UBE2D2: variants seen among roughly 807,000 people sequenced by gnomAD.
UBE2D2 encodes ubiquitin-conjugating enzyme E2 D2.
Under a neutral mutation model 24.2 loss-of-function variants are expected in UBE2D2, and 2 were observed. The observed-to-expected ratio is 0.08, with a 90% CI of 0.03 to 0.26. The LOEUF is 0.26. Ranked by LOEUF, UBE2D2 falls within the 10% of genes least tolerant of loss-of-function variation. UBE2D2 has a pLI of 1.00. For synonymous variants in UBE2D2, 58 were observed against 56.5 expected, an observed-to-expected ratio of 1.03 and a Z score of -0.12; for missense variants, 44 against 177.6, an observed-to-expected ratio of 0.25 and a Z score of 4.28.
chr5:139,580,283 TCGAACTCC>T (rs1015078264), intron 1 of UBE2D2, among the ~76,000 whole-genome samples: 6 of 151,848 alleles, frequency 4.0e-5, no homozygotes, highest in Non-Finnish European at 7.4e-5. Flanking sequence ...CAGGCTGGTC[TCGAACTCC>T]CGGGCTCAAG....
At chr5:139,537,918 C>T (rs552871320) in intron 1 of UBE2D2, among the ~76,000 whole-genome samples, 50 of 150,580 alleles carry the variant, frequency 3.3e-4, no homozygotes, top group Admixed American at 2.0e-3. Flanking sequence ...GAGCTGAGAT[C>T]GTGCCACTGC....
At chr5:139,577,866 A>G (rs986522781) in intron 1 of UBE2D2, among the ~76,000 whole-genome samples, 20 of 152,214 alleles carry the variant, frequency 1.3e-4, no homozygotes, top group African/African-American at 4.6e-4. Flanking sequence ...GATTAGTGTT[A>G]CAGAAGAGGG....
Position 139,556,066 on chromosome 5 carries a change from G to A in UBE2D2, c.-64+29454G>A, listed in dbSNP as rs181863011. Among the ~76,000 whole-genome samples, 27 of 149,378 alleles carry A rather than the reference G, an allele frequency of 1.8e-4. No homozygotes were observed. The East Asian group carries it at 4.3e-3, about 24-fold the overall frequency. On this transcript the variant is annotated intron_variant, in intron 1 of 6. Transcript: ENST00000511725. ...AGCCTGACCAACATGGAGAAACCCC[G>A]TCTCTACTAAAAATACAAAATCATC... is the stretch of plus-strand genomic sequence containing the variant.
rs112323447 is a variant in UBE2D2, at chr5:139,531,625, CA to C, written c.-64+5026del. 5.1e-3 allele frequency among the ~76,000 whole-genome samples: 497 copies of C among 97,184 alleles called. 2 individuals are homozygous for C. Among genetic ancestry groups the C allele is most frequent in the African/African-American group, 0.013 (324 of 25,712 alleles). The allele number at this position is 97,184 out of a possible 152,430, so 63.8% of individuals were successfully genotyped here. On this transcript the variant is annotated intron_variant, in intron 1 of 6. Coordinates refer to the UBE2D2 transcript ENST00000511725. ...TTGGGTGACAGAGTGAGACCCTATC[CA>C]AAAAAAAAAAAAGAAAGAAAAAGAA...
chr5:139,551,989 ATTACT>A (rs1172579668), intron 1 of UBE2D2, among the ~76,000 whole-genome samples: 2 of 152,190 alleles, frequency 1.3e-5, no homozygotes, highest in African/African-American at 2.4e-5. Context: ...CCCAAATCTA[ATTACT>A]TTAATGAGAG....
intron 1 of UBE2D2, among the ~76,000 whole-genome samples, chr5:139,546,371 G>A (rs767520282): frequency 5.3e-5 from 8 of 151,928 alleles, no homozygotes; most frequent in Non-Finnish European, 1.0e-4. Flanking sequence ...TTTCAGTAGA[G>A]ACAGAGTTTC....
intron 1 of UBE2D2, among the ~76,000 whole-genome samples, chr5:139,534,999 T>G (rs1011111436): frequency 6.7e-5 from 10 of 148,400 alleles, no homozygotes; most frequent in Admixed American, 2.0e-4. Context: ...ATTAGCCAGG[T>G]TTGGTGGTAC....
intron 1 of UBE2D2, among the ~76,000 whole-genome samples, chr5:139,543,426 C>T (rs1752783299): frequency 6.6e-6 from 1 of 152,214 alleles, no homozygotes; most frequent in African/African-American, 2.4e-5. Context: ...TTCTGCCTTC[C>T]GTGGGCCCAG....
intron 1 of UBE2D2, chr5:139,562,377 A>G: frequency 2.3e-6 from 3 of 1,330,420 alleles, no homozygotes; most frequent in Non-Finnish European, 3.0e-6. Context: ...AGAAACTGTT[A>G]AGAGTTGGAA....
chr5:139,533,657 A>AAAAAGAAAAG (rs370279515), intron 1 of UBE2D2, among the ~76,000 whole-genome samples: 1 of 148,634 alleles, frequency 6.7e-6, no homozygotes, highest in African/African-American at 2.4e-5. Flanking sequence ...GTCTCAAAAA[A>AAAAAGAAAAG]AAAAGAAAAG....
intron 1 of UBE2D2, chr5:139,554,871 G>T (rs1352653187): frequency 6.6e-6 from 1 of 151,860 alleles, no homozygotes; most frequent in African/African-American, 2.4e-5. Flanking sequence ...CATTCTAGTG[G>T]GTATGAAATG....
Position 139,613,419 on chromosome 5 carries a change from A to G in UBE2D2, c.89-1167A>G, listed in dbSNP as rs559659184. On this transcript the variant is annotated intron_variant, in intron 2 of 6. Transcript: ENST00000398733. Reference sequence around the variant, plus strand: ...AGTAGTAGCTTAATTATAAGTAAAAACTCTGGCTTTTGATCTCTCATGATG... The same window carrying G: ...AGTAGTAGCTTAATTATAAGTAAAAGCTCTGGCTTTTGATCTCTCATGATG... Among the ~76,000 whole-genome samples the G allele has an allele frequency of 8.6e-5, 13 of 151,984 alleles. No individual in the cohort carries two copies. In the South Asian group the frequency reaches 2.5e-3, roughly 29 times the overall value.
At chr5:139,529,072 C>T (rs1054279029) in intron 1 of UBE2D2, among the ~76,000 whole-genome samples, 23 of 152,236 alleles carry the variant, frequency 1.5e-4, no homozygotes, top group Non-Finnish European at 3.1e-4. Flanking sequence ...AAAACTGTTC[C>T]CAGTATATAC....
chr5:139,532,978 C>T (rs557672050), intron 1 of UBE2D2, among the ~76,000 whole-genome samples: 1 of 151,684 alleles, frequency 6.6e-6, no homozygotes, highest in East Asian at 2.0e-4. Flanking sequence ...CGTGGTGGCA[C>T]TTGCCTGTTA....
At chr5:139,554,539 T>C (rs1752956927) in intron 1 of UBE2D2, among the ~76,000 whole-genome samples, 1 of 152,242 alleles carries the variant, frequency 6.6e-6, no homozygotes, top group Non-Finnish European at 1.5e-5. Context: ...TGTTCCATTG[T>C]TTGAATGTGT....
chr5:139,578,945 CTA>C (rs1353083277), intron 1 of UBE2D2, among the ~76,000 whole-genome samples: 2 of 152,066 alleles, frequency 1.3e-5, no homozygotes, highest in African/African-American at 4.8e-5. Flanking sequence ...TTGATTTCAG[CTA>C]TGTTTTATTT....
chr5:139,626,680 G>C, intron 6 of UBE2D2, 76 bp from the exon 7 acceptor site: 2 of 1,242,536 alleles, frequency 1.6e-6, no homozygotes, highest in Non-Finnish European at 2.4e-6. Flanking sequence ...CAAGTTACTT[G>C]ATGGGATAAT....
Position 139,627,069 on chromosome 5 carries a change from A to C in UBE2D2, c.*268A>C. The C allele has an allele frequency of 2.7e-6, 1 of 372,936 alleles. No homozygotes were observed. Among genetic ancestry groups the C allele is most frequent in the South Asian group, 3.6e-5 (1 of 28,068 alleles). 23.1% of individuals were successfully genotyped at this position (372,936 alleles called of 1,614,324 possible). ...CAGGCATTACCTAGGTGTGAGACTA[A>C]AAGCTTTTCTTATTGACTTAAATTT... On this transcript the variant is annotated 3_prime_UTR_variant, in exon 7 of 7. Coordinates refer to ENST00000398733, the MANE Select transcript of UBE2D2 (RefSeq NM_003339.3).
chr5:139,530,204 G>A (rs1405941794), intron 1 of UBE2D2, among the ~76,000 whole-genome samples: 3 of 152,118 alleles, frequency 2.0e-5, no homozygotes, highest in Non-Finnish European at 4.4e-5. Context: ...GACTGTTTGG[G>A]CCCACCCAGA....
Sources: allele counts gnomAD v4.1 joint callset (sites outside exome capture counted in the v4.1 genomes callset), GRCh38; gene constraint gnomAD v4.1.1; transcripts MANE v1.5; gene names NCBI Gene and HGNC (gene_info 2026-07-23, HGNC 2026-07-21).